RAD51B: variants seen among roughly 807,000 people sequenced by gnomAD.
RAD51B encodes DNA repair protein RAD51 homolog 2.
RAD51B carries 38 observed loss-of-function variants against 42.2 expected under a neutral mutation model. The ratio of observed to expected loss-of-function variants is 0.90; its 90% CI spans 0.70 to 1.18. The LOEUF is 1.18. Among genes scored for constraint, RAD51B ranks in the 50% most tolerant of loss-of-function variants. The pLI, the probability that RAD51B is intolerant of heterozygous loss-of-function variation, is 0.00. For synonymous variants in RAD51B, 154 were observed against 145.2 expected (o/e 1.06, Z -0.43); for missense variants, 373 against 400.7 (o/e 0.93, Z 0.59).
chr14:68,624,353 C>T (rs1892022774), intron 10 of RAD51B, among the ~76,000 whole-genome samples: 1 of 152,120 alleles, frequency 6.6e-6, no homozygotes, highest in South Asian at 2.1e-4. Flanking sequence ...TTGTTATCTG[C>T]CCATATGCCC....
chr14:68,274,232 C>T lies in RAD51B; in HGVS notation c.757-17652C>T, dbSNP rs182224491. ...ATTTCACTCTTCCCCTTCTTTTTTC[C>T]GGTATGATTATATCATAATATTCAG... is the stretch of plus-strand genomic sequence containing the variant. On this transcript the variant is annotated intron_variant, in intron 7 of 10. Transcript: ENST00000471583. Among the ~76,000 whole-genome samples, 49 of 152,144 alleles carry T rather than the reference C, an allele frequency of 3.2e-4. No individual in the cohort carries two copies. In the South Asian group the frequency reaches 6.6e-3, roughly 21 times the overall value.
intron 7 of RAD51B, among the ~76,000 whole-genome samples, chr14:67,901,267 G>A (rs1024575751): frequency 6.6e-6 from 1 of 152,212 alleles, no homozygotes; most frequent in Non-Finnish European, 1.5e-5. Context: ...ACCACAATGC[G>A]AATGTCATGT....
chr14:68,596,433 G>A (rs1378038767), downstream of RAD51B, among the ~76,000 whole-genome samples: 2 of 152,072 alleles, frequency 1.3e-5, no homozygotes, highest in Non-Finnish European at 2.9e-5. Context: ...TCAGAGTTTT[G>A]AAAATGTGAC....
At chr14:68,049,212 TG>T (rs2076352804) in intron 7 of RAD51B, among the ~76,000 whole-genome samples, 2 of 139,530 alleles carry the variant, frequency 1.4e-5, no homozygotes, top group East Asian at 2.2e-4. Flanking sequence ...TGTTGTGGGG[TG>T]GGGGGAGCGG....
At chr14:68,105,084 A>C (rs1471947728) in intron 7 of RAD51B, among the ~76,000 whole-genome samples, 1 of 151,914 alleles carries the variant, frequency 6.6e-6, no homozygotes, top group Non-Finnish European at 1.5e-5. Context: ...AGTTTGAAAA[A>C]TATTTACTTT....
chr14:68,251,173 C>T (rs904950116), intron 7 of RAD51B, among the ~76,000 whole-genome samples: 1 of 151,556 alleles, frequency 6.6e-6, no homozygotes, highest in African/African-American at 2.4e-5. Flanking sequence ...GATTCATCTT[C>T]TTCTGTTGCA....
chr14:68,065,423 G>T (rs1377256764), intron 7 of RAD51B, among the ~76,000 whole-genome samples: 3 of 152,196 alleles, frequency 2.0e-5, no homozygotes, highest in Non-Finnish European at 4.4e-5. Flanking sequence ...CCTGGTCTGT[G>T]CTCAGGGAAA....
chr14:68,591,008 C>G (rs72729537), intron 10 of RAD51B, among the ~76,000 whole-genome samples: 2 of 152,036 alleles, frequency 1.3e-5, no homozygotes, highest in Non-Finnish European at 2.9e-5. Flanking sequence ...TCCTGCCCTG[C>G]CCAACCTCAT....
At chr14:68,310,466 G>A (rs879901662) in intron 8 of RAD51B, among the ~76,000 whole-genome samples, 12 of 152,156 alleles carry the variant, frequency 7.9e-5, no homozygotes, top group South Asian at 4.1e-4. Context: ...AATATTAGTG[G>A]AGAACCCCAT....
At chr14:68,597,105 G>C (rs1302706272), downstream of RAD51B, among the ~76,000 whole-genome samples, 1 of 152,222 alleles carries the variant, frequency 6.6e-6, no homozygotes, top group African/African-American at 2.4e-5. Flanking sequence ...GCCAGCTACT[G>C]TCATTGACAT....
chr14:68,196,374 G>T (rs147986540), intron 7 of RAD51B, among the ~76,000 whole-genome samples: 1 of 151,918 alleles, frequency 6.6e-6, no homozygotes, highest in African/African-American at 2.4e-5. Context: ...TTGGCTTCTG[G>T]TTGTACTTTT....
intron 7 of RAD51B, among the ~76,000 whole-genome samples, chr14:68,128,249 T>A (rs932033788): frequency 2.0e-5 from 3 of 152,322 alleles, no homozygotes; most frequent in African/African-American, 7.2e-5. Flanking sequence ...TTTTTGTGTC[T>A]CTATCTTTAG....
chr14:68,618,953 G>T (rs923847976), intron 10 of RAD51B, among the ~76,000 whole-genome samples: 1 of 152,038 alleles, frequency 6.6e-6, no homozygotes, highest in Non-Finnish European at 1.5e-5. Context: ...GATATAGCCT[G>T]GTCAGTGCTA....
rs531987055 is a variant in RAD51B at position 68,585,836 on chromosome 14, C to T, written c.1037-8649C>T. Among the ~76,000 whole-genome samples, 12 of 152,152 alleles carry T rather than the reference C, an allele frequency of 7.9e-5. No individual in the cohort carries two copies. In the East Asian group the frequency reaches 1.9e-3, roughly 24 times the overall value. ...TTCTGGTAGAGATTTTATAAATATT[C>T]GGGGAGTTTGATCTGAGGCTGTTGG... On this transcript the variant is annotated intron_variant, in intron 10 of 10. Transcript: ENST00000487270.
chr14:68,467,062 G>T (rs769105101), intron 9 of RAD51B, among the ~76,000 whole-genome samples: 6 of 152,210 alleles, frequency 3.9e-5, no homozygotes, highest in Non-Finnish European at 5.9e-5. Flanking sequence ...ACACGGTTCA[G>T]TGTTCAAACT....
At chr14:67,857,045 G>A (rs763476969) in intron 4 of RAD51B, among the ~76,000 whole-genome samples, 1 of 152,090 alleles carries the variant, frequency 6.6e-6, no homozygotes, top group Non-Finnish European at 1.5e-5. Context: ...CTGAAGCTGG[G>A]AACTGAACAC....
intron 7 of RAD51B, among the ~76,000 whole-genome samples, chr14:68,284,054 C>T (rs914051309): frequency 1.3e-5 from 2 of 152,190 alleles, no homozygotes; most frequent in African/African-American, 4.8e-5. Context: ...CTTCTGCATT[C>T]CCTCAGACTG....
intron 10 of RAD51B, among the ~76,000 whole-genome samples, chr14:68,542,008 A>G (rs1393575723): frequency 6.6e-6 from 1 of 152,196 alleles, no homozygotes; most frequent in Non-Finnish European, 1.5e-5. Flanking sequence ...TATATTATAC[A>G]CATGTATTAC....
chr14:68,022,776 AG>A (rs1406918813), intron 7 of RAD51B, among the ~76,000 whole-genome samples: 2 of 152,118 alleles, frequency 1.3e-5, no homozygotes, highest in Non-Finnish European at 2.9e-5. Context: ...AATACCTAAT[AG>A]GCACATTTTC....
Sources: gnomAD v4.1 joint callset for allele counts (sites outside exome capture counted in the v4.1 genomes callset) on GRCh38, gnomAD v4.1.1 for gene constraint, MANE v1.5 for transcripts, NCBI Gene and HGNC (gene_info 2026-07-23, HGNC 2026-07-21) for gene names.